Variants in ODAD2 observed in about 807,000 individuals in gnomAD.
ODAD2 encodes outer dynein arm docking complex subunit 2.
Under a neutral mutation model 106.8 loss-of-function variants are expected in ODAD2, and 89 were observed. The observed-to-expected ratio is 0.83, with a 90% CI of 0.70 to 0.99. ODAD2 has a LOEUF of 0.99. Ranked by LOEUF, ODAD2 falls within the 50% of genes least tolerant of loss-of-function variation. ODAD2 has a pLI of 0.00. For missense variants in ODAD2, 1,168 were observed against 1,238.5 expected (o/e 0.94, Z 0.85); for synonymous variants, 404 against 436.2 (o/e 0.93, Z 0.92).
chr10:27,988,475 T>C (rs1019509808), intron 2 of ODAD2, among the ~76,000 whole-genome samples: 2 of 151,840 alleles, frequency 1.3e-5, no homozygotes, highest in Admixed American at 1.3e-4. Flanking sequence ...TAGCTGGGAC[T>C]AGAGGCACAT....
At chr10:27,855,806 A>G (rs887932949) in intron 19 of ODAD2, among the ~76,000 whole-genome samples, 4 of 152,178 alleles carry the variant, frequency 2.6e-5, no homozygotes, top group Non-Finnish European at 5.9e-5. Flanking sequence ...CACTCTGCCA[A>G]TGCTGGACAT....
At chr10:27,914,027 C>T (rs970869511) in intron 16 of ODAD2, among the ~76,000 whole-genome samples, 4 of 152,082 alleles carry the variant, frequency 2.6e-5, no homozygotes, top group African/African-American at 9.7e-5. Context: ...AACATACATG[C>T]AGGTATATGT....
intron 17 of ODAD2, among the ~76,000 whole-genome samples, chr10:27,882,585 G>A (rs765003882): frequency 6.6e-6 from 1 of 152,154 alleles, no homozygotes; most frequent in Non-Finnish European, 1.5e-5. Context: ...GCAACAAACA[G>A]CATCTATTCA....
chr10:27,899,685 A>G (rs1203139155), intron 17 of ODAD2, among the ~76,000 whole-genome samples: 2 of 152,152 alleles, frequency 1.3e-5, no homozygotes, highest in Non-Finnish European at 2.9e-5. Context: ...CACAGTGTAA[A>G]CAAAGCCTCC....
chr10:27,920,425 C>A (rs538661272), intron 16 of ODAD2, among the ~76,000 whole-genome samples: 1 of 152,018 alleles, frequency 6.6e-6, no homozygotes, highest in Non-Finnish European at 1.5e-5. Context: ...TATTAATATG[C>A]GTGCATATCA....
In ODAD2 at chr10:27,918,219, A is replaced by G. The variant is rs1484658367; in HGVS notation, c.2496-10442T>C. 4.6e-5 allele frequency among the ~76,000 whole-genome samples: 7 copies of G among 152,092 alleles called. No homozygotes were observed. The East Asian group carries it at 1.2e-3, about 25-fold the overall frequency. The stretch of plus-strand genomic sequence containing the variant: ...TACTAACACTTGACAAAGACATTAC[A>G]AGGAAAGAAAACTACAAATCAACAT... On this transcript the variant is annotated intron_variant, in intron 16 of 19. Transcript: ENST00000305242.
At chr10:27,970,873 G>A (rs925068089) in intron 8 of ODAD2, among the ~76,000 whole-genome samples, 10 of 152,042 alleles carry the variant, frequency 6.6e-5, no homozygotes, top group African/African-American at 2.4e-4. Flanking sequence ...TCAGGAGGCT[G>A]AGGCAGGAGA....
At chr10:27,924,008 A>AAGAAAGAAAGAC in intron 16 of ODAD2, among the ~76,000 whole-genome samples, 1 of 104,248 alleles carries the variant, frequency 9.6e-6, no homozygotes, top group South Asian at 3.1e-4. Flanking sequence ...GAAAGAAAGA[A>AAGAAAGAAAGAC]AGAAAGAAAG....
chr10:27,926,642 C>A (rs1177226706), intron 16 of ODAD2, among the ~76,000 whole-genome samples: 1 of 152,122 alleles, frequency 6.6e-6, no homozygotes, highest in Non-Finnish European at 1.5e-5. Context: ...GCTTTTGCAA[C>A]TTTTCCATAA....
At chr10:27,952,728 C>T (rs7924172) in intron 10 of ODAD2, among the ~76,000 whole-genome samples, 86,293 of 151,982 alleles carry the variant, frequency 0.57, 24,747 homozygotes, top group Middle Eastern at 0.66. Context: ...TAAGGGTCTT[C>T]TGTTTATTTG....
At chr10:27,853,792 A>C (rs896973446) in intron 19 of ODAD2, among the ~76,000 whole-genome samples, 6 of 152,208 alleles carry the variant, frequency 3.9e-5, no homozygotes, top group Non-Finnish European at 8.8e-5. Flanking sequence ...AAAAACCAAA[A>C]ATTATAAAAC....
chr10:27,839,250 A>G (rs1357427718), intron 19 of ODAD2, among the ~76,000 whole-genome samples: 1 of 152,184 alleles, frequency 6.6e-6, no homozygotes, highest in Non-Finnish European at 1.5e-5. Context: ...TAAACTTCTG[A>G]AGATATATAA....
chr10:27,842,925 T>A (rs1838417020), intron 19 of ODAD2, among the ~76,000 whole-genome samples: 1 of 152,198 alleles, frequency 6.6e-6, no homozygotes, highest in South Asian at 2.1e-4. Context: ...AAAACACATG[T>A]CCAGAATGCT....
At chr10:27,897,920 A>G (rs1220401145) in intron 17 of ODAD2, among the ~76,000 whole-genome samples, 1 of 152,044 alleles carries the variant, frequency 6.6e-6, no homozygotes, top group Non-Finnish European at 1.5e-5. Context: ...GGGCTGGGTC[A>G]TGTTTTAGGC....
intron 9 of ODAD2, among the ~76,000 whole-genome samples, chr10:27,962,149 A>G (rs1329621211): frequency 6.6e-6 from 1 of 152,218 alleles, no homozygotes; most frequent in Non-Finnish European, 1.5e-5. Flanking sequence ...CTCTGGGTGC[A>G]ATAATCATAA....
intron 19 of ODAD2, among the ~76,000 whole-genome samples, chr10:27,831,362 A>C (rs1837466133): frequency 1.3e-5 from 2 of 152,322 alleles, no homozygotes; most frequent in South Asian, 4.1e-4. Context: ...CAGGAAAGGC[A>C]GAGGGGCTAG....
intron 8 of ODAD2, among the ~76,000 whole-genome samples, 198 bp from the exon 9 acceptor site, chr10:27,969,216 T>C (rs1351320845): frequency 1.3e-5 from 2 of 152,062 alleles, no homozygotes; most frequent in Non-Finnish European, 1.5e-5. Context: ...TTTTACATAT[T>C]GAAGAAACTT....
At chr10:27,893,302 TAAC>T (rs1842677192) in intron 17 of ODAD2, among the ~76,000 whole-genome samples, 1 of 152,204 alleles carries the variant, frequency 6.6e-6, no homozygotes, top group African/African-American at 2.4e-5. Context: ...CTAATGTGTA[TAAC>T]AATATAAAAA....
At chr10:27,920,858 A>T (rs955975067) in intron 16 of ODAD2, among the ~76,000 whole-genome samples, 2 of 150,618 alleles carry the variant, frequency 1.3e-5, no homozygotes, top group Non-Finnish European at 3.0e-5. Flanking sequence ...CAATGTAAAA[A>T]CTGAAAAAAA....
Sources: allele counts gnomAD v4.1 joint callset (sites outside exome capture counted in the v4.1 genomes callset), GRCh38; gene constraint gnomAD v4.1.1; transcripts MANE v1.5; gene names NCBI Gene and HGNC (gene_info 2026-07-23, HGNC 2026-07-21).